The following PDE11A variants were observed in gnomAD, a reference collection of about 807,000 sequenced individuals.
The protein encoded by PDE11A is phosphodiesterase 11A.
In PDE11A, 100 loss-of-function variants were observed where a neutral mutation model predicts 100.5. The ratio of observed to expected loss-of-function variants is 1.00; its 90% CI spans 0.85 to 1.18. PDE11A has a LOEUF of 1.18. Ranked by LOEUF, PDE11A falls within the 50% of genes most tolerant of loss-of-function variation. The pLI is 0.00. For synonymous variants in PDE11A, 381 were observed against 420.8 expected, an observed-to-expected ratio of 0.91 and a Z score of 1.16; for missense variants, 1,141 against 1,152.6, an observed-to-expected ratio of 0.99 and a Z score of 0.15.
intron 19 of PDE11A, among the ~76,000 whole-genome samples, chr2:177,637,628 T>C (rs1414667806): frequency 6.6e-6 from 1 of 150,528 alleles, no homozygotes; most frequent in African/African-American, 2.4e-5. Flanking sequence ...GTGTCCTTCA[T>C]GTGTCTTCTG....
chr2:177,910,948 C>CTTAG (rs2084872228), intron 2 of PDE11A, among the ~76,000 whole-genome samples: 1 of 152,158 alleles, frequency 6.6e-6, no homozygotes, highest in Non-Finnish European at 1.5e-5. Flanking sequence ...GGGGCCATCC[C>CTTAG]GTTCGTGGAC....
intron 1 of PDE11A, chr2:178,105,817 C>G: frequency 1.5e-6 from 1 of 645,314 alleles, no homozygotes; most frequent in Non-Finnish European, 2.2e-6. Context: ...CCAACTGGGA[C>G]CTTGGCCAGA....
In PDE11A at chr2:177,623,246, T is replaced by C. The variant is rs1442121993; in HGVS notation, c.*6161A>G. On this transcript the variant is annotated 3_prime_UTR_variant, in exon 20 of 20. Transcript: ENST00000286063. ...AGAAATAAAGATTATTCCAGAGCTT[T>C]AGTTAAACTCTAAGTATTTTATTAA... is the stretch of plus-strand genomic sequence containing the variant. 1.3e-5 allele frequency: 2 copies of C among 152,216 alleles called. No individual in the cohort carries two copies. The highest frequency in any genetic ancestry group is 4.8e-5 in the African/African-American group (2 of 41,456). The allele number at this position is 152,216 out of a possible 1,614,324, so 9.4% of individuals were successfully genotyped here. A position where few individuals can be genotyped will look rare whatever the true frequency, so the allele number is the denominator to read the frequency against.
chr2:178,061,597 A>G (rs1401427173), intron 1 of PDE11A, among the ~76,000 whole-genome samples: 2 of 152,238 alleles, frequency 1.3e-5, no homozygotes, highest in East Asian at 1.9e-4. Flanking sequence ...GGTGAGATAA[A>G]TAGGGAAGAG....
At position 178,072,497 on chromosome 2, in the gene PDE11A, G is replaced by A; in HGVS notation, c.-60C>T. ...GAACCAAATGTTTTCCTGCCCCGAGGCCTCTAGCTGTTCCTGCACATGTTC... is the reference window on the plus strand; with the variant it reads ...GAACCAAATGTTTTCCTGCCCCGAGACCTCTAGCTGTTCCTGCACATGTTC... On this transcript the variant is annotated 5_prime_UTR_variant, in exon 1 of 20. Coordinates refer to ENST00000286063, the MANE Select transcript of PDE11A (RefSeq NM_016953.4). 5 of 1,602,622 alleles carry A rather than the reference G, an allele frequency of 3.1e-6. No homozygotes were observed. The highest frequency in any genetic ancestry group is 1.1e-5 in the South Asian group (1 of 90,286).
intron 2 of PDE11A, among the ~76,000 whole-genome samples, chr2:177,916,804 G>A (rs1407797419): frequency 6.6e-6 from 1 of 151,368 alleles, no homozygotes; most frequent in Non-Finnish European, 1.5e-5. Flanking sequence ...CTGTCGCCAG[G>A]GCTGGAGTGC....
In PDE11A at chr2:177,851,739, C is replaced by CTT. The variant is rs3066392; in HGVS notation, c.1368-11358_1368-11357dup. On this transcript the variant is annotated intron_variant, in intron 5 of 19. Transcript: ENST00000286063. The stretch of plus-strand genomic sequence containing the variant: ...TTTCTGTTTTTCGTTTTTAAAATGT[C>CTT]TTTTTTTTTAACTTTTAAGTTCAGG... 7.3e-3 allele frequency among the ~76,000 whole-genome samples: 1,103 copies of CTT among 151,254 alleles called. 14 individuals are homozygous for CTT. The highest frequency in any genetic ancestry group is 0.025 in the African/African-American group (1,028 of 41,212).
In PDE11A at chr2:177,990,698, A is replaced by G. The variant is rs576535095; in HGVS notation, c.1071+23604T>C. Among the ~76,000 whole-genome samples, 173 of 150,630 alleles carry G rather than the reference A, an allele frequency of 1.1e-3. 2 individuals are homozygous for G. The highest frequency in any genetic ancestry group is 4.1e-3 in the African/African-American group (167 of 40,956). On this transcript the variant is annotated intron_variant, in intron 2 of 19. Transcript: ENST00000286063. ...GGTTGCAGTGAGCTGAGATCGCACC[A>G]TTGCACTCCAGCCTGGGTGACAGAG...
intron 2 of PDE11A, among the ~76,000 whole-genome samples, chr2:178,003,723 G>A (rs910267588): frequency 1.3e-5 from 2 of 152,106 alleles, no homozygotes; most frequent in Non-Finnish European, 2.9e-5. Context: ...TATGGTATGT[G>A]AATTATATCC....
At chr2:177,969,375 T>C (rs1307838710) in intron 2 of PDE11A, among the ~76,000 whole-genome samples, 1 of 152,098 alleles carries the variant, frequency 6.6e-6, no homozygotes, top group Non-Finnish European at 1.5e-5. Context: ...ATGGCACATG[T>C]ATACCTATGT....
At chr2:177,878,477 A>G (rs562363222) in intron 4 of PDE11A, among the ~76,000 whole-genome samples, 15 of 152,256 alleles carry the variant, frequency 9.9e-5, no homozygotes, top group Admixed American at 2.0e-4. Context: ...CTCGGTCACC[A>G]TGCAAGAAGT....
At chr2:177,944,967 A>C (rs2105776299) in intron 2 of PDE11A, among the ~76,000 whole-genome samples, 1 of 143,868 alleles carries the variant, frequency 7.0e-6, no homozygotes. Flanking sequence ...AGTGCCTGCC[A>C]TTGCAGGCAC....
intron 15 of PDE11A, among the ~76,000 whole-genome samples, chr2:177,686,305 G>A (rs372477241): frequency 1.3e-5 from 2 of 152,294 alleles, no homozygotes; most frequent in South Asian, 4.1e-4. Flanking sequence ...AGTGGGTCAC[G>A]CCTGTAATCC....
At chr2:178,070,297 G>A (rs2087108959) in intron 1 of PDE11A, among the ~76,000 whole-genome samples, 1 of 152,230 alleles carries the variant, frequency 6.6e-6, no homozygotes, top group South Asian at 2.1e-4. Flanking sequence ...GTGTTAGGTT[G>A]GCAGATATCT....
chr2:177,851,981 A>G (rs1318180959), intron 5 of PDE11A, among the ~76,000 whole-genome samples: 7 of 151,980 alleles, frequency 4.6e-5, no homozygotes, highest in Non-Finnish European at 7.4e-5. Flanking sequence ...GCTCCCACTT[A>G]TAAGGGAGAG....
chr2:178,030,569 A>T (rs1021516501), intron 1 of PDE11A, among the ~76,000 whole-genome samples: 1 of 152,106 alleles, frequency 6.6e-6, no homozygotes, highest in African/African-American at 2.4e-5. Flanking sequence ...AAAATCAGAC[A>T]AGAGTATTCT....
intron 2 of PDE11A, among the ~76,000 whole-genome samples, chr2:177,929,761 A>C (rs1269154246): frequency 6.6e-6 from 1 of 152,220 alleles, no homozygotes; most frequent in African/African-American, 2.4e-5. Flanking sequence ...CCCAAGTCTC[A>C]CATCAAGCTC....
intron 2 of PDE11A, among the ~76,000 whole-genome samples, chr2:177,949,381 G>A (rs964184604): frequency 6.6e-6 from 1 of 152,198 alleles, no homozygotes; most frequent in Non-Finnish European, 1.5e-5. Context: ...ACTTACTGAA[G>A]TGTGGTGATA....
chr2:177,682,892 A>G (rs1241917580), intron 15 of PDE11A, among the ~76,000 whole-genome samples: 1 of 151,140 alleles, frequency 6.6e-6, no homozygotes, highest in Non-Finnish European at 1.5e-5. Flanking sequence ...CAAAAACTAC[A>G]CTTTGGAAAA....
Sources: allele counts gnomAD v4.1 joint callset (sites outside exome capture counted in the v4.1 genomes callset), GRCh38; gene constraint gnomAD v4.1.1; transcripts MANE v1.5; gene names NCBI Gene and HGNC (gene_info 2026-07-23, HGNC 2026-07-21).